MKRN2OS: variants seen among roughly 807,000 people sequenced by gnomAD.
MKRN2OS encodes the protein MKRN2 opposite strand protein.
A neutral mutation model predicts 18.2 loss-of-function variants in MKRN2OS; 17 were observed. That is an observed-to-expected ratio of 0.93 (90% CI 0.64 to 1.40). MKRN2OS has a LOEUF of 1.40. Among genes scored for constraint, MKRN2OS ranks in the 40% most tolerant of loss-of-function variants. The pLI is 0.00. For missense variants in MKRN2OS, 337 were observed against 283.0 expected (o/e 1.19, Z -1.37); for synonymous variants, 121 against 108.5 (o/e 1.12, Z -0.72).
chr3:12,548,447 C>CAAAA (rs1215377576), upstream of MKRN2OS, among the ~76,000 whole-genome samples: 15 of 19,412 alleles, frequency 7.7e-4, no homozygotes, highest in South Asian at 2.3e-3. Context: ...GACTCCGTCT[C>CAAAA]AAAAAAAAAA....
chr3:12,547,089 CAG>C (rs1198261705), upstream of MKRN2OS, among the ~76,000 whole-genome samples: 1 of 151,950 alleles, frequency 6.6e-6, no homozygotes, highest in African/African-American at 2.4e-5. Context: ...GCCTGGGCGA[CAG>C]AGTGGGACCC....
upstream of MKRN2OS, among the ~76,000 whole-genome samples, chr3:12,548,139 G>A (rs753358645): frequency 1.3e-5 from 2 of 151,724 alleles, no homozygotes; most frequent in East Asian, 1.9e-4. Flanking sequence ...GTGAAACCCC[G>A]TCTCTACTAA....
chr3:12,543,986 CAG>C lies in MKRN2OS; in HGVS notation c.219-759_219-758del, dbSNP rs1183415437. On this transcript the variant is annotated intron_variant, in intron 1 of 3. Transcript: ENST00000564146. Reference sequence around the variant, plus strand: ...TGGTTAAAAGAACCAGGATAGGAATCAGGGGCTTTATGACGCCAGAGCCTGTA... The same window carrying C: ...TGGTTAAAAGAACCAGGATAGGAATCGGGCTTTATGACGCCAGAGCCTGTA... 7.2e-5 allele frequency among the ~76,000 whole-genome samples: 11 copies of C among 152,054 alleles called. No homozygotes were observed. The East Asian group carries it at 9.6e-4, about 13-fold the overall frequency.
At chr3:12,558,586 T>C (rs2058005674) in intron 1 of MKRN2OS, among the ~76,000 whole-genome samples, 1 of 152,226 alleles carries the variant, frequency 6.6e-6, no homozygotes, top group Admixed American at 6.5e-5. Context: ...TAGTATCTTA[T>C]TTTACAAATA....
chr3:12,559,111 G>A (rs2058012324), intron 1 of MKRN2OS, among the ~76,000 whole-genome samples: 1 of 152,162 alleles, frequency 6.6e-6, no homozygotes, highest in Non-Finnish European at 1.5e-5. Context: ...CTCATACAAG[G>A]ATATGTAAAA....
At chr3:12,544,392 C>G (rs1400085280) in intron 1 of MKRN2OS, among the ~76,000 whole-genome samples, 5 of 152,094 alleles carry the variant, frequency 3.3e-5, no homozygotes, top group African/African-American at 1.2e-4. Flanking sequence ...AAATATAAAC[C>G]TGGCGGGGCA....
At chr3:12,558,747 G>A (rs1216416704) in intron 1 of MKRN2OS, among the ~76,000 whole-genome samples, 1 of 152,156 alleles carries the variant, frequency 6.6e-6, no homozygotes, top group Non-Finnish European at 1.5e-5. Flanking sequence ...TCCCAAACAG[G>A]GGTGTTCTGT....
upstream of MKRN2OS, among the ~76,000 whole-genome samples, chr3:12,549,292 C>T (rs771520163): frequency 1.3e-5 from 2 of 151,540 alleles, no homozygotes; most frequent in Non-Finnish European, 2.9e-5. Flanking sequence ...AGTCTTGCTC[C>T]ATTTCCCAGG....
At chr3:12,558,263 C>T (rs921705835) in intron 1 of MKRN2OS, among the ~76,000 whole-genome samples, 1 of 152,180 alleles carries the variant, frequency 6.6e-6, no homozygotes, top group East Asian at 1.9e-4. Context: ...TTATGTTAAG[C>T]TGTTGTCAGA....
chr3:12,545,657 GT>G (rs2057876198), upstream of MKRN2OS: 3 of 414,786 alleles, frequency 7.2e-6, no homozygotes, highest in South Asian at 8.2e-5. Flanking sequence ...TAAAGAGCTA[GT>G]TTCTATTTGT....
chr3:12,551,939 C>G (rs1280632517), downstream of MKRN2OS, among the ~76,000 whole-genome samples: 1 of 151,382 alleles, frequency 6.6e-6, no homozygotes, highest in African/African-American at 2.4e-5. Context: ...GAGACTCTGT[C>G]TCAGAAAAAA....
chr3:12,542,980 A>G (rs2057836334), intron 2 of MKRN2OS, among the ~76,000 whole-genome samples, 200 bp downstream of exon 2: 1 of 152,218 alleles, frequency 6.6e-6, no homozygotes, highest in Admixed American at 6.5e-5. Context: ...AGAGCTTTCA[A>G]ATATTTTGTA....
intron 1 of MKRN2OS, chr3:12,557,233 G>A (rs2057983513): frequency 6.6e-7 from 1 of 1,514,998 alleles, no homozygotes; most frequent in African/African-American, 1.4e-5. Flanking sequence ...AGGGGGGCCG[G>A]TGCGCGCCAG....
At chr3:12,558,053 TG>T (rs537298180) in intron 1 of MKRN2OS, among the ~76,000 whole-genome samples, 222 of 152,262 alleles carry the variant, frequency 1.5e-3, no homozygotes, top group Non-Finnish European at 2.5e-3. Context: ...ATTGTATGCT[TG>T]GAAAATGCAA....
chr3:12,556,914 C>G, intron 1 of MKRN2OS: 1 of 401,926 alleles, frequency 2.5e-6, no homozygotes, highest in Non-Finnish European at 4.3e-6. Context: ...CTTGGAAGTG[C>G]GGGACACCGA....
In MKRN2OS at chr3:12,542,011, T is replaced by C. The variant is rs2057821578; in HGVS notation, c.280A>G (p.Asn94Asp). ...GITNTNGVVY[N>D]YSAHGVQRDG... ...CGCTGGACACCATGTGCACTGTAAT[T>C]ATACACAACCCCTGCAAATCAAAAC... is the stretch of plus-strand genomic sequence containing the variant. The change falls in exon 3 of 4, where the codon AAT becomes GAT. Residue 94 changes from asparagine (N) to aspartate (D), a missense_variant. Transcript: ENST00000564146. The C allele has an allele frequency of 6.5e-6, 10 of 1,535,234 alleles. No homozygotes were observed. Among genetic ancestry groups the C allele is most frequent in the Non-Finnish European group, 7.0e-6 (8 of 1,146,444 alleles).
upstream of MKRN2OS, among the ~76,000 whole-genome samples, chr3:12,547,040 C>T (rs1238425759): frequency 6.6e-6 from 1 of 152,010 alleles, no homozygotes; most frequent in Non-Finnish European, 1.5e-5. Context: ...CCTGGAAGGT[C>T]GAGGGTGCCT....
At chr3:12,555,283 G>A (rs1480142100) in intron 1 of MKRN2OS, among the ~76,000 whole-genome samples, 1 of 140,794 alleles carries the variant, frequency 7.1e-6, no homozygotes, top group African/African-American at 2.7e-5. Flanking sequence ...CTGCACTCCA[G>A]CCTGGGTGAC....
At chr3:12,552,879 C>T (rs1477275935), downstream of MKRN2OS, among the ~76,000 whole-genome samples, 1 of 151,746 alleles carries the variant, frequency 6.6e-6, no homozygotes, top group Admixed American at 6.6e-5. Flanking sequence ...AAAAATTGGC[C>T]AGGAGTGGTG....
Sources: allele counts gnomAD v4.1 joint callset (sites outside exome capture counted in the v4.1 genomes callset), GRCh38; gene constraint gnomAD v4.1.1; transcripts MANE v1.5; gene names NCBI Gene and HGNC (gene_info 2026-07-23, HGNC 2026-07-21).